Variants in SLC5A10 observed in about 807,000 individuals in gnomAD.
The protein encoded by SLC5A10 is sodium/mannose cotransporter SLC5A10.
SLC5A10 carries 55 observed loss-of-function variants against 68.9 expected under a neutral mutation model. The ratio of observed to expected loss-of-function variants is 0.80; its 90% confidence interval spans 0.64 to 1.00. The LOEUF (loss-of-function observed/expected upper bound fraction) is 1.00. Ranked by LOEUF, SLC5A10 falls within the 50% of genes least tolerant of loss-of-function variation. The probability of loss-of-function intolerance (pLI) is 0.00; values close to 1 mark genes in which losing one functional copy is unlikely to be tolerated. For synonymous variants in SLC5A10, 344 were observed against 344.8 expected, an observed-to-expected ratio of 1.00 and a Z score of 0.02; for missense variants, 732 against 819.3, an observed-to-expected ratio of 0.89 and a Z score of 1.30.
Position 19,019,483 on chromosome 17 carries a change from C to T in SLC5A10, c.1302C>T (p.Ser434=). 1 of 1,612,208 alleles carries T rather than the reference C, an allele frequency of 6.2e-7. No homozygotes were observed. Among genetic ancestry groups the T allele is most frequent in the Non-Finnish European group, 8.5e-7 (1 of 1,179,910 alleles). The part of the protein sequence containing the change: ...SVAWIPVLQD[S]NSGQLFIYMQ... ...CCTGGATCCCCGTCCTGCAGGACTC[C>T]AACAGCGGGCAACTCTTCATCTACA... is the stretch of plus-strand genomic sequence containing the variant. The change falls in exon 12 of 15, where the codon TCC becomes TCT. Residue 434 remains serine (S), a synonymous_variant. Transcript: ENST00000395645.
chr17:18,973,481 G>A (rs1025022558), intron 8 of SLC5A10, among the ~76,000 whole-genome samples: 1 of 152,196 alleles, frequency 6.6e-6, no homozygotes, highest in Non-Finnish European at 1.5e-5. Flanking sequence ...TACCCCTTGG[G>A]CTGGGTCTGC....
intron 9 of SLC5A10, among the ~76,000 whole-genome samples, chr17:19,008,501 ATTT>A (rs201812786): frequency 1.4e-5 from 2 of 141,638 alleles, no homozygotes; most frequent in Admixed American, 7.1e-5. Context: ...AGCCTCACAG[ATTT>A]TTTTTTTTTT....
rs1464477916 is a variant in SLC5A10, at chr17:19,018,693, C to G, written c.1242-730C>G. On this transcript the variant is annotated intron_variant, in intron 11 of 14. Coordinates refer to ENST00000395645, the MANE Select transcript of SLC5A10 (RefSeq NM_001042450.4). This position sits in a 1 kb window ranked among gnomAD's most constrained non-coding sequence, Gnocchi z 4.2. ...CAGGAGGGGACGGGCTCATGCTGGCCCAGCAGGGCTCCGGCTTCACAGCTG... is the reference window on the plus strand; with the variant it reads ...CAGGAGGGGACGGGCTCATGCTGGCGCAGCAGGGCTCCGGCTTCACAGCTG... The G allele has an allele frequency of 6.6e-6, 1 of 152,340 alleles. No individual in the cohort carries two copies. The highest frequency in any genetic ancestry group is 1.5e-5 in the Non-Finnish European group (1 of 68,128). 9.4% of individuals were successfully genotyped at this position (152,340 alleles called of 1,614,324 possible).
chr17:19,012,546 A>G (rs112348387), intron 9 of SLC5A10, among the ~76,000 whole-genome samples: 3,107 of 152,344 alleles, frequency 0.02, 98 homozygotes, highest in African/African-American at 0.07. Flanking sequence ...GATGAGGGAA[A>G]GCGATGTGGG....
rs2042752692 is a variant in SLC5A10, at chr17:18,968,312, C to G, written c.454-740C>G. Among the ~76,000 whole-genome samples the G allele has an allele frequency of 6.6e-6, 1 of 152,206 alleles. No homozygotes were observed. The highest frequency in any genetic ancestry group is 2.1e-4 in the South Asian group (1 of 4,832). Reference sequence around the variant, plus strand: ...AACTCAGGGGTGGGGCAAGGTGAAGCCTGTTACTAGCCCATGTCCCAGAGA... The same window carrying G: ...AACTCAGGGGTGGGGCAAGGTGAAGGCTGTTACTAGCCCATGTCCCAGAGA... On this transcript the variant is annotated intron_variant, in intron 5 of 14. Coordinates refer to ENST00000395645, the MANE Select transcript of SLC5A10 (RefSeq NM_001042450.4). The surrounding 1 kb of genome is among the most constrained non-coding windows in gnomAD (Gnocchi z 4.1).
intron 9 of SLC5A10, among the ~76,000 whole-genome samples, chr17:18,985,860 G>C (rs1482529333): frequency 6.6e-6 from 1 of 152,258 alleles, no homozygotes; most frequent in Admixed American, 6.5e-5. Context: ...GGAAGGGCTG[G>C]GGGTGGAACA....
chr17:18,965,950 T>C (rs2042700453), intron 5 of SLC5A10, among the ~76,000 whole-genome samples: 1 of 152,128 alleles, frequency 6.6e-6, no homozygotes, highest in African/African-American at 2.4e-5. Flanking sequence ...GTGGAGTGGA[T>C]TACCACACCC....
chr17:19,015,564 G>A (rs2044122541), intron 11 of SLC5A10, among the ~76,000 whole-genome samples: 1 of 152,210 alleles, frequency 6.6e-6, no homozygotes, highest in Non-Finnish European at 1.5e-5. Flanking sequence ...ACTCAGGACT[G>A]GCCACACTTG....
chr17:18,993,119 C>T (rs1411080626), intron 9 of SLC5A10, among the ~76,000 whole-genome samples: 1 of 152,116 alleles, frequency 6.6e-6, no homozygotes, highest in African/African-American at 2.4e-5. Context: ...GTGCACAGGC[C>T]CAGCCTCTGC....
intron 9 of SLC5A10, among the ~76,000 whole-genome samples, chr17:18,993,708 G>C (rs1375060778): frequency 6.6e-6 from 1 of 152,204 alleles, no homozygotes; most frequent in Non-Finnish European, 1.5e-5. Flanking sequence ...GGTGGACAGA[G>C]TCTCTCATCT....
At chr17:18,992,135 C>A (rs1002645247) in intron 9 of SLC5A10, among the ~76,000 whole-genome samples, 2 of 152,178 alleles carry the variant, frequency 1.3e-5, no homozygotes, top group African/African-American at 2.4e-5. Context: ...TCCATATGCA[C>A]AAGCCCTCCA....
intron 9 of SLC5A10, among the ~76,000 whole-genome samples, chr17:18,999,151 A>G (rs8076485): frequency 0.15 from 23,248 of 152,060 alleles, 3,653 homozygotes; most frequent in East Asian, 0.4. Context: ...GGTGGCGCAC[A>G]CCTGTAATTC....
Position 18,959,185 on chromosome 17 carries a change from A to G in SLC5A10, c.234A>G (p.Gly78=). The change falls in exon 3 of 15, where the codon GGA becomes GGG. Residue 78 remains glycine, a synonymous_variant. Transcript: ENST00000395645. The stretch of plus-strand genomic sequence containing the variant: ...GCGAGGGCTCTGGCCTCTTCATTGG[A>G]CTGGCGGGCTCAGGCGCGGCAGGAG... ...ASSEGSGLFI[G]LAGSGAAGGL... is the part of the protein sequence containing the mutation. The G allele has an allele frequency of 2.5e-6, 4 of 1,613,498 alleles. No individual in the cohort carries two copies. Among genetic ancestry groups the G allele is most frequent in the Middle Eastern group, 3.3e-4 (2 of 6,048 alleles).
intron 1 of SLC5A10, chr17:18,953,545 G>GGAGACACCACCTACCTGGGGT (rs1567773260): frequency 2.0e-5 from 3 of 152,680 alleles, no homozygotes; most frequent in Non-Finnish European, 4.4e-5. Flanking sequence ...TCTGTTATAT[G>GGAGACACCACCTACCTGGGGT]GAGACACCAC....
chr17:18,989,616 C>T (rs2152130732), intron 9 of SLC5A10, among the ~76,000 whole-genome samples: 1 of 152,368 alleles, frequency 6.6e-6, no homozygotes, highest in Middle Eastern at 3.4e-3. Flanking sequence ...ATGGAGCACA[C>T]CTGAATACCG....
chr17:18,992,870 G>A (rs2043463685), intron 9 of SLC5A10, among the ~76,000 whole-genome samples: 1 of 152,154 alleles, frequency 6.6e-6, no homozygotes, highest in South Asian at 2.1e-4. Flanking sequence ...GGAAGTGCTG[G>A]TGGCCGCCCT....
rs1555572214 is a variant in SLC5A10 at position 18,971,375 on chromosome 17, T to TGGC, written c.846+157_846+158insGGC. 6.2e-7 allele frequency: 1 copy of TGGC among 1,611,994 alleles called. No homozygotes were observed. The highest frequency in any genetic ancestry group is 1.1e-5 in the South Asian group (1 of 90,956). On this transcript the variant is annotated intron_variant, in intron 8 of 14. Transcript: ENST00000395645. The surrounding 1 kb of genome is among the most constrained non-coding windows in gnomAD (Gnocchi z 5.5). ...GACATGCTGCTAGGGGTCTTTGCGGTCCCGGGGGGCTTGAGCCCTCCGTTT... is the reference window on the plus strand; with the variant it reads ...GACATGCTGCTAGGGGTCTTTGCGGTGGCCCCGGGGGGCTTGAGCCCTCCGTTT...
intron 9 of SLC5A10, among the ~76,000 whole-genome samples, chr17:18,981,939 C>T (rs1484099982): frequency 6.6e-6 from 1 of 152,168 alleles, no homozygotes; most frequent in Non-Finnish European, 1.5e-5. Flanking sequence ...GTCACTGAGC[C>T]CAACCGAGCC....
At chr17:19,014,151 T>C (rs2044081262) in intron 10 of SLC5A10, among the ~76,000 whole-genome samples, 1 of 152,148 alleles carries the variant, frequency 6.6e-6, no homozygotes, top group Non-Finnish European at 1.5e-5. Flanking sequence ...GTCAGGCTTA[T>C]CCTAGGACAG....
Sources: gnomAD v4.1 joint callset for allele counts (sites outside exome capture counted in the v4.1 genomes callset) on GRCh38, gnomAD v4.1.1 for gene constraint, Gnocchi (gnomAD v3.1) non-coding constraint, MANE v1.5 for transcripts, NCBI Gene and HGNC (gene_info 2026-07-23, HGNC 2026-07-21) for gene names.